Variants in ZMAT4 observed in about 807,000 individuals in gnomAD.
ZMAT4 encodes zinc finger matrin-type 4.
In ZMAT4, 17 loss-of-function variants were observed where a neutral mutation model predicts 28.7. That is an observed-to-expected ratio of 0.59 (90% CI 0.41 to 0.89). ZMAT4 has a LOEUF of 0.89. Ranked by LOEUF, ZMAT4 falls within the 40% of genes least tolerant of loss-of-function variation. The pLI, the probability that ZMAT4 is intolerant of heterozygous loss-of-function variation, is 0.00. For synonymous variants in ZMAT4, 117 were observed against 109.2 expected, an observed-to-expected ratio of 1.07 and a Z score of -0.44; for missense variants, 240 against 283.8, an observed-to-expected ratio of 0.85 and a Z score of 1.11.
chr8:40,859,293 C>T (rs1376618025), intron 1 of ZMAT4, among the ~76,000 whole-genome samples: 6 of 152,150 alleles, frequency 3.9e-5, no homozygotes, highest in Non-Finnish European at 8.8e-5. Context: ...CAGCTGGTGA[C>T]GAGGCTGCTC....
chr8:40,554,326 GACAA>G (rs1439113964), intron 6 of ZMAT4, among the ~76,000 whole-genome samples: 3 of 151,698 alleles, frequency 2.0e-5, no homozygotes, highest in Admixed American at 6.6e-5. Context: ...GTTTTTTTAA[GACAA>G]ACAAAAATTA....
chr8:40,783,666 A>C (rs1260185690), intron 2 of ZMAT4, among the ~76,000 whole-genome samples: 1 of 152,196 alleles, frequency 6.6e-6, no homozygotes, highest in Non-Finnish European at 1.5e-5. Context: ...TCTAGGAAAC[A>C]TGATAAAAAA....
chr8:40,720,248 C>A (rs1011991560), intron 3 of ZMAT4, among the ~76,000 whole-genome samples: 1 of 152,064 alleles, frequency 6.6e-6, no homozygotes, highest in East Asian at 1.9e-4. Context: ...TCTTATTAAC[C>A]AGCACTATTA....
chr8:40,751,836 A>G (rs1311867852), intron 3 of ZMAT4, among the ~76,000 whole-genome samples: 2 of 152,222 alleles, frequency 1.3e-5, no homozygotes, highest in Non-Finnish European at 2.9e-5. Context: ...TTTTAAAATT[A>G]TAATTGTTTC....
chr8:40,844,939 G>A (rs755459204), intron 1 of ZMAT4, among the ~76,000 whole-genome samples: 4 of 152,138 alleles, frequency 2.6e-5, no homozygotes, highest in Non-Finnish European at 4.4e-5. Flanking sequence ...ATTGGTGTGA[G>A]CTCAAATAAT....
chr8:40,818,233 A>G (rs1203159822), intron 2 of ZMAT4, among the ~76,000 whole-genome samples: 2 of 152,258 alleles, frequency 1.3e-5, no homozygotes, highest in African/African-American at 4.8e-5. Flanking sequence ...AAAAGGTAAG[A>G]TGCCCATGCT....
At chr8:40,781,851 C>T (rs1490021844) in intron 2 of ZMAT4, among the ~76,000 whole-genome samples, 1 of 149,986 alleles carries the variant, frequency 6.7e-6, no homozygotes, top group Non-Finnish European at 1.5e-5. Context: ...ACAACCATGC[C>T]AGCACAATTC....
intron 2 of ZMAT4, among the ~76,000 whole-genome samples, chr8:40,819,240 C>T (rs1023215776): frequency 2.0e-5 from 3 of 152,098 alleles, no homozygotes; most frequent in Admixed American, 6.5e-5. Context: ...GGCTCTTTCA[C>T]CAGTACTGAT....
At chr8:40,674,538 TA>T in intron 5 of ZMAT4, 165 bp downstream of exon 5, 1 of 591,868 alleles carries the variant, frequency 1.7e-6, no homozygotes, top group South Asian at 2.3e-5. Flanking sequence ...AAAATTAAAC[TA>T]AAGCAAGCCT....
At chr8:40,556,780 C>T (rs1196519910) in intron 6 of ZMAT4, among the ~76,000 whole-genome samples, 1 of 152,120 alleles carries the variant, frequency 6.6e-6, no homozygotes, top group African/African-American at 2.4e-5. Flanking sequence ...ATGATCAGGT[C>T]AGAGTACTTG....
intron 5 of ZMAT4, among the ~76,000 whole-genome samples, chr8:40,592,603 G>A (rs542012337): frequency 5.3e-5 from 8 of 152,256 alleles, no homozygotes; most frequent in South Asian, 2.1e-4. Context: ...CCAAACAAAC[G>A]AAATCTAAAG....
chr8:40,648,256 C>T (rs1233354448), intron 5 of ZMAT4, among the ~76,000 whole-genome samples: 3 of 151,940 alleles, frequency 2.0e-5, no homozygotes, highest in African/African-American at 4.8e-5. Context: ...AAAACCAAGG[C>T]TCAAGAGCTA....
chr8:40,624,148 A>C (rs1215420836), intron 5 of ZMAT4, among the ~76,000 whole-genome samples: 1 of 152,180 alleles, frequency 6.6e-6, no homozygotes, highest in Non-Finnish European at 1.5e-5. Context: ...CCCCAATGCT[A>C]ATGCAACTAT....
intron 6 of ZMAT4, among the ~76,000 whole-genome samples, chr8:40,567,801 T>A (rs1346179150): frequency 6.6e-6 from 1 of 152,156 alleles, no homozygotes; most frequent in Non-Finnish European, 1.5e-5. Context: ...CTTAAAGAGA[T>A]GTCTCTGTCA....
chr8:40,668,468 C>CAAAAAA (rs71224843), intron 5 of ZMAT4, among the ~76,000 whole-genome samples: 6 of 85,010 alleles, frequency 7.1e-5, no homozygotes, highest in Admixed American at 1.4e-4. Flanking sequence ...GACTTTGTCT[C>CAAAAAA]AAAAAAAAAA....
At chr8:40,663,345 T>A (rs1235830313) in intron 5 of ZMAT4, among the ~76,000 whole-genome samples, 2 of 152,212 alleles carry the variant, frequency 1.3e-5, no homozygotes, top group Non-Finnish European at 2.9e-5. Context: ...CCCAAGCTTT[T>A]TTTTCACATT....
At chr8:40,692,744 A>C (rs1250616065) in intron 4 of ZMAT4, among the ~76,000 whole-genome samples, 2 of 152,218 alleles carry the variant, frequency 1.3e-5, no homozygotes, top group Non-Finnish European at 2.9e-5. Context: ...ATGGAGAATA[A>C]CTATAGTTTA....
At chr8:40,881,433 G>GAGAAAGAAAGAAAGAA (rs35018481) in intron 1 of ZMAT4, among the ~76,000 whole-genome samples, 1,233 of 70,282 alleles carry the variant, frequency 0.018, 18 homozygotes, top group Non-Finnish European at 0.019. Context: ...AGAAGAAAGA[G>GAGAAAGAAAGAAAGAA]AGAAAGAAAG....
At chr8:40,576,171 G>C (rs1804256569) in intron 6 of ZMAT4, among the ~76,000 whole-genome samples, 1 of 151,536 alleles carries the variant, frequency 6.6e-6, no homozygotes, top group Non-Finnish European at 1.5e-5. Flanking sequence ...AAAACATATG[G>C]GAAACCATAA....
Sources: allele counts gnomAD v4.1 joint callset (sites outside exome capture counted in the v4.1 genomes callset), GRCh38; gene constraint gnomAD v4.1.1; transcripts MANE v1.5; gene names NCBI Gene and HGNC (gene_info 2026-07-23, HGNC 2026-07-21).